C11orf65: variants seen among roughly 807,000 people sequenced by gnomAD.
C11orf65 encodes the protein protein MFI.
C11orf65 carries 38 observed loss-of-function variants against 35.3 expected under a neutral mutation model. That is an observed-to-expected ratio of 1.08 (90% CI 0.83 to 1.41). The LOEUF is 1.41. Among genes scored for constraint, C11orf65 ranks in the 40% most tolerant of loss-of-function variants. C11orf65 has a pLI of 0.00. For synonymous variants in C11orf65, 105 were observed against 114.4 expected, an observed-to-expected ratio of 0.92 and a Z score of 0.53; for missense variants, 370 against 367.1, an observed-to-expected ratio of 1.01 and a Z score of -0.06.
chr11:108,392,852 G>A (rs2092198356), intron 7 of C11orf65, among the ~76,000 whole-genome samples: 3 of 152,166 alleles, frequency 2.0e-5, no homozygotes, highest in African/African-American at 7.2e-5. Context: ...TAACATTTTA[G>A]TGTCTCATAC....
intron 3 of C11orf65, chr11:108,332,701 C>A (rs1414257483): frequency 3.9e-6 from 6 of 1,551,318 alleles, no homozygotes; most frequent in Non-Finnish European, 4.4e-6. Flanking sequence ...GTTTTTCTAA[C>A]TCTGAGAAGT....
In C11orf65 at chr11:108,331,996, A is replaced by G. The variant is rs1339565904; in HGVS notation, c.300-429T>C. 3 of 1,614,102 alleles carry G rather than the reference A, an allele frequency of 1.9e-6. No homozygotes were observed. The highest frequency in any genetic ancestry group is 2.2e-5 in the East Asian group (1 of 44,850). ...ACCAGAGGTAGCCAGAAGAAGCAGA[A>G]TAACTAAAAATGTGCCTAAACAAAG... On this transcript the variant is annotated intron_variant, in intron 3 of 3. Transcript: ENST00000524755.
rs730881323 is a variant in C11orf65, at chr11:108,343,348, T to G, written c.227-8056A>C. Reference sequence around the variant, plus strand: ...ATACAGGCCAAATGATTTCAGTGCCTTTCAGTGCCAAAAGAAAATGATGGT... The same window carrying G: ...ATACAGGCCAAATGATTTCAGTGCCGTTCAGTGCCAAAAGAAAATGATGGT... On this transcript the variant is annotated intron_variant, in intron 2 of 3. Coordinates refer to the C11orf65 transcript ENST00000524755. The G allele has an allele frequency of 6.2e-7, 1 of 1,613,828 alleles. No individual in the cohort carries two copies. Among genetic ancestry groups the G allele is most frequent in the African/African-American group, 1.3e-5 (1 of 74,904 alleles).
intron 6 of C11orf65, among the ~76,000 whole-genome samples, chr11:108,400,165 T>C (rs369695722): frequency 2.5e-4 from 38 of 152,338 alleles, no homozygotes; most frequent in Admixed American, 2.5e-3. Flanking sequence ...GCCCAAAATA[T>C]GTCATACATT....
At chr11:108,387,335 A>T (rs1387261454) in intron 7 of C11orf65, among the ~76,000 whole-genome samples, 3 of 150,786 alleles carry the variant, frequency 2.0e-5, no homozygotes, top group Non-Finnish European at 4.4e-5. Context: ...TTGTACTTTT[A>T]GTACAGACAG....
At chr11:108,353,674 TG>T in intron 2 of C11orf65, 1 of 1,006,250 alleles carries the variant, frequency 9.9e-7, no homozygotes, top group South Asian at 1.3e-5. Flanking sequence ...AGGTAACATG[TG>T]GTTTCTTGCC....
At chr11:108,439,817 AG>A (rs1407840475) in intron 2 of C11orf65, among the ~76,000 whole-genome samples, 1 of 152,170 alleles carries the variant, frequency 6.6e-6, no homozygotes, top group Non-Finnish European at 1.5e-5. Context: ...GGTGGTTAGG[AG>A]GTTTTTGTTT....
intron 6 of C11orf65, among the ~76,000 whole-genome samples, chr11:108,402,035 A>T (rs1373807543): frequency 6.6e-6 from 1 of 152,232 alleles, no homozygotes; most frequent in Non-Finnish European, 1.5e-5. Flanking sequence ...AATGTAGATT[A>T]GTAATTTCTT....
intron 6 of C11orf65, among the ~76,000 whole-genome samples, chr11:108,317,913 C>A (rs2084888957): frequency 6.6e-6 from 1 of 151,834 alleles, no homozygotes; most frequent in African/African-American, 2.4e-5. Context: ...TATCATCTCG[C>A]ATAGTTTGTT....
At chr11:108,335,322 T>A (rs999795787) in intron 2 of C11orf65, 1 of 1,442,860 alleles carries the variant, frequency 6.9e-7, no homozygotes, top group Non-Finnish European at 9.2e-7. Flanking sequence ...ATATGGTTGA[T>A]TCAAGTAAAA....
intron 2 of C11orf65, among the ~76,000 whole-genome samples, chr11:108,435,998 C>T (rs1206133747): frequency 2.0e-5 from 3 of 151,042 alleles, no homozygotes; most frequent in Non-Finnish European, 4.4e-5. Context: ...TGCAAGGGTC[C>T]GTATAAAGGA....
chr11:108,333,803 AG>A, intron 3 of C11orf65: 1 of 1,071,604 alleles, frequency 9.3e-7, no homozygotes, highest in South Asian at 1.3e-5. Flanking sequence ...AGTTGGGGCC[AG>A]TGGTATCTGC....
chr11:108,316,738 T>C (rs563085630), intron 6 of C11orf65, among the ~76,000 whole-genome samples: 360 of 127,294 alleles, frequency 2.8e-3, no homozygotes, highest in Non-Finnish European at 4.3e-3. Context: ...TGAAACCCCG[T>C]CTCTACTAAA....
chr11:108,402,166 T>C, intron 6 of C11orf65, among the ~76,000 whole-genome samples: 1 of 152,158 alleles, frequency 6.6e-6, no homozygotes. Context: ...AGAGGGGGAA[T>C]CCTGAGGAGA....
At chr11:108,427,644 C>A (rs1363562158) in intron 3 of C11orf65, among the ~76,000 whole-genome samples, 2 of 135,260 alleles carry the variant, frequency 1.5e-5, no homozygotes, top group African/African-American at 2.7e-5. Context: ...ATGGCGTGAA[C>A]CCGGGAGGCG....
Position 108,314,805 on chromosome 11 carries a change from GAAAAT to G in C11orf65, c.641-5739_641-5735del, listed in dbSNP as rs4988082. Among the ~76,000 whole-genome samples, 1,374 of 152,208 alleles carry G rather than the reference GAAAAT, an allele frequency of 9.0e-3. 20 individuals carry two copies. The highest frequency in any genetic ancestry group is 0.031 in the African/African-American group (1,297 of 41,546). On this transcript the variant is annotated intron_variant, in intron 6 of 6. Transcript: ENST00000525729. ...TCTTAAATAAAGTAGCTTGAGAAAA[GAAAAT>G]GTTATTGAGAAAATGATAAGGAAGA...
intron 2 of C11orf65, among the ~76,000 whole-genome samples, chr11:108,453,877 C>T (rs765225632): frequency 3.3e-5 from 5 of 152,222 alleles, no homozygotes; most frequent in African/African-American, 7.2e-5. Context: ...ATAGCATCCT[C>T]ATCTGGCTTT....
chr11:108,447,110 C>A (rs1316132307), intron 2 of C11orf65, among the ~76,000 whole-genome samples: 1 of 152,112 alleles, frequency 6.6e-6, no homozygotes, highest in Non-Finnish European at 1.5e-5. Context: ...GCACCCAATA[C>A]AGGAGCACCA....
intron 2 of C11orf65, among the ~76,000 whole-genome samples, chr11:108,349,371 G>C (rs1269170718): frequency 6.6e-6 from 1 of 152,142 alleles, no homozygotes; most frequent in African/African-American, 2.4e-5. Flanking sequence ...TGTAGATTAA[G>C]AATGTGGAAT....
Sources: gnomAD v4.1 joint callset for allele counts (sites outside exome capture counted in the v4.1 genomes callset) on GRCh38, gnomAD v4.1.1 for gene constraint, MANE v1.5 for transcripts, NCBI Gene and HGNC (gene_info 2026-07-23, HGNC 2026-07-21) for gene names.